The following ACACB variants were observed in gnomAD, a reference collection of about 807,000 sequenced individuals.
ACACB encodes acetyl-CoA carboxylase 2.
In ACACB, 209 loss-of-function variants were observed where a neutral mutation model predicts 278.8. The observed-to-expected ratio is 0.75, with a 90% CI of 0.67 to 0.84. The LOEUF (loss-of-function observed/expected upper bound fraction) is 0.84. ACACB is among the 40% of genes least tolerant of loss of function. The pLI, the probability that ACACB is intolerant of heterozygous loss-of-function variation, is 0.00. For missense variants in ACACB, 2,850 were observed against 3,269.0 expected (o/e 0.87, Z 3.13); for synonymous variants, 1,174 against 1,285.6 (o/e 0.91, Z 1.86).
chr12:109,201,051 C>T (rs2045315020), intron 18 of ACACB, among the ~76,000 whole-genome samples: 1 of 152,166 alleles, frequency 6.6e-6, no homozygotes, highest in Non-Finnish European at 1.5e-5. Flanking sequence ...CCTGGCTCTG[C>T]GGCCGCCACC....
chr12:109,124,877 G>A (rs1270725417), intron 1 of ACACB, among the ~76,000 whole-genome samples: 1 of 152,102 alleles, frequency 6.6e-6, no homozygotes, highest in Non-Finnish European at 1.5e-5. Flanking sequence ...ACCATGCCTG[G>A]CTAATTTTAT....
intron 16 of ACACB, 98 bp from the exon 17 acceptor site, chr12:109,196,910 T>C: frequency 7.4e-7 from 1 of 1,353,068 alleles, no homozygotes; most frequent in Non-Finnish European, 9.6e-7. Flanking sequence ...TGGCCCTCTG[T>C]GGTGGACAAC....
chr12:109,121,857 A>G (rs564736013), intron 1 of ACACB, among the ~76,000 whole-genome samples: 1 of 152,326 alleles, frequency 6.6e-6, no homozygotes, highest in South Asian at 2.1e-4. Flanking sequence ...GGAAGCTTCT[A>G]TTCCAGTGGA....
chr12:109,194,094 G>T (rs2045002048), intron 16 of ACACB, among the ~76,000 whole-genome samples: 2 of 152,180 alleles, frequency 1.3e-5, no homozygotes, highest in African/African-American at 4.8e-5. Context: ...GGCAGGATCT[G>T]TTCCGAGCCT....
intron 1 of ACACB, among the ~76,000 whole-genome samples, chr12:109,133,929 G>GT (rs1218592082): frequency 1.6e-4 from 9 of 55,250 alleles, no homozygotes; most frequent in Non-Finnish European, 2.4e-4. Context: ...GTTTTGTTTT[G>GT]TTTTTTTGAG....
intron 19 of ACACB, among the ~76,000 whole-genome samples, chr12:109,205,922 A>T (rs1377525441): frequency 6.6e-6 from 1 of 152,180 alleles, no homozygotes; most frequent in Non-Finnish European, 1.5e-5. Flanking sequence ...GAGTAGACGA[A>T]TGAGCACATT....
At position 109,180,106 on chromosome 12, in the gene ACACB, GGCCCTGGGACTTCTCT is replaced by G; in HGVS notation, c.1818+28_1818+43del. The G allele has an allele frequency of 8.7e-6, 14 of 1,606,514 alleles. No homozygotes were observed. Among genetic ancestry groups the G allele is most frequent in the Non-Finnish European group, 1.2e-5 (14 of 1,175,372 alleles). ...GCTACAGGTGAGAAAATGGGCTTGG[GGCCCTGGGACTTCTCT>G]GCCCTGGGTCAGGGGTCCATGTGCT... On this transcript the variant is annotated intron_variant, in intron 11 of 52. Coordinates refer to ENST00000338432, the MANE Select transcript of ACACB (RefSeq NM_001093.4).
At position 109,260,652 on chromosome 12, in the gene ACACB, G is replaced by T; in HGVS notation, c.6669G>T (p.Glu2223Asp). ...GCATAGAAATGTATGCAGACAAAGA[G>T]AGCAGGTGGGTGTGTTGCCCTTAGC... ...PLCIEMYADK[E>D]SRGGVLEPEG... is the part of the protein sequence containing the mutation. Residue 2223 changes from glutamate (E) to aspartate (D), a missense_variant, in exon 48 of 53, where the codon GAG (glutamate) becomes GAT (aspartate). By Grantham distance (45) the Glu-to-Asp change is conservative. Transcript: ENST00000338432. 1 of 1,568,854 alleles carries T rather than the reference G, an allele frequency of 6.4e-7. No homozygotes were observed. Among genetic ancestry groups the T allele is most frequent in the South Asian group, 1.2e-5 (1 of 83,688 alleles).
chr12:109,232,534 C>T, intron 28 of ACACB, 135 bp from the exon 29 acceptor site: 1 of 1,122,458 alleles, frequency 8.9e-7, no homozygotes, highest in Non-Finnish European at 1.3e-6. Context: ...TTGTCTCATC[C>T]CCTGCCCATT....
intron 1 of ACACB, among the ~76,000 whole-genome samples, chr12:109,132,562 A>G (rs538886882): frequency 6.6e-6 from 1 of 152,252 alleles, no homozygotes; most frequent in South Asian, 2.1e-4. Flanking sequence ...TGTGGTTGCT[A>G]TATAGGTACA....
At chr12:109,188,208 T>G in intron 13 of ACACB, 46 bp downstream of exon 13, 1 of 1,357,624 alleles carries the variant, frequency 7.4e-7, no homozygotes, top group Non-Finnish European at 1.0e-6. Context: ...CTTCCTTCCT[T>G]CCTTCCTTCC....
chr12:109,237,268 A>T lies in ACACB; in HGVS notation c.4550A>T (p.Asn1517Ile), dbSNP rs747892426. 31 of 1,614,112 alleles carry T rather than the reference A, an allele frequency of 1.9e-5. No individual in the cohort carries two copies. The highest frequency in any genetic ancestry group is 2.6e-5 in the Non-Finnish European group (31 of 1,180,050). Residue 1517 changes from asparagine to isoleucine, a missense_variant, in exon 34 of 53, where the codon AAC becomes ATC. This residue lies in a region of ACACB where 2,265 missense variants were observed against 2,561.3 expected (regional missense o/e 0.88). Coordinates refer to ENST00000338432, the MANE Select transcript of ACACB (RefSeq NM_001093.4). ...NFDLTAVPCA[N>I]HKMHLYLGAA... ...GATCTGACCGCCGTGCCCTGTGCCA[A>T]CCACAAGATGCACCTTTACCTGGGT...
At chr12:109,145,558 A>T (rs2043221657) in intron 2 of ACACB, among the ~76,000 whole-genome samples, 1 of 152,146 alleles carries the variant, frequency 6.6e-6, no homozygotes, top group African/African-American at 2.4e-5. Context: ...AGCATAAATT[A>T]TATTTAAGGG....
At chr12:109,196,634 G>A (rs534924032) in intron 16 of ACACB, among the ~76,000 whole-genome samples, 22 of 152,268 alleles carry the variant, frequency 1.4e-4, no homozygotes, top group African/African-American at 4.1e-4. Context: ...GGACACAAAC[G>A]TTTAGTCCAT....
At position 109,209,217 on chromosome 12, in the gene ACACB, C is replaced by A. The variant is rs752155886; in HGVS notation, c.3113C>A (p.Pro1038Gln). 1.2e-6 allele frequency: 2 copies of A among 1,609,826 alleles called. No homozygotes were observed. The highest frequency in any genetic ancestry group is 2.7e-5 in the African/African-American group (2 of 74,874). ...ATGACCCTCCGGCACCCGTCACTGC[C>A]GCTGCTGGAGCTGCAGGAGATCATG... Reference protein sequence around the residue: ...LMMTLRHPSLPLLELQEIMTS... With the variant: ...LMMTLRHPSLQLLELQEIMTS... The change falls in exon 21 of 53, where the codon CCG (proline) becomes CAG (glutamine). Residue 1038 changes from proline to glutamine, a missense_variant. This residue lies in a region of ACACB where 2,265 missense variants were observed against 2,561.3 expected (regional missense o/e 0.88). Coordinates refer to ENST00000338432, the MANE Select transcript of ACACB (RefSeq NM_001093.4).
chr12:109,198,796 T>A (rs1317694981), intron 17 of ACACB, among the ~76,000 whole-genome samples: 1 of 152,156 alleles, frequency 6.6e-6, no homozygotes, highest in African/African-American at 2.4e-5. Flanking sequence ...ATTTTTTTTT[T>A]TTTATTTTTT....
At chr12:109,203,050 C>G (rs769827873) in intron 19 of ACACB, among the ~76,000 whole-genome samples, 3 of 152,212 alleles carry the variant, frequency 2.0e-5, no homozygotes, top group Non-Finnish European at 4.4e-5. Flanking sequence ...AACCATTGTT[C>G]TGCTTTCTGT....
intron 24 of ACACB, among the ~76,000 whole-genome samples, chr12:109,219,559 A>T (rs2046101870): frequency 6.6e-6 from 1 of 152,146 alleles, no homozygotes; most frequent in South Asian, 2.1e-4. Flanking sequence ...TTTAATGTTC[A>T]GTTTCTTTGG....
At chr12:109,226,699 C>CAAAAAAAAAAAAAAAAAAA in intron 27 of ACACB, among the ~76,000 whole-genome samples, 1 of 74,206 alleles carries the variant, frequency 1.3e-5, no homozygotes, top group Non-Finnish European at 2.8e-5. Flanking sequence ...AACTCCATCT[C>CAAAAAAAAAAAAAAAAAAA]AAAAAAAAAA....
Sources: gnomAD v4.1 joint callset for allele counts (sites outside exome capture counted in the v4.1 genomes callset) on GRCh38, gnomAD v4.1.1 for gene constraint, gnomAD v4.1.1 regional missense constraint, MANE v1.5 for transcripts, NCBI Gene and HGNC (gene_info 2026-07-23, HGNC 2026-07-21) for gene names.